Variants in ANK3 observed in about 807,000 individuals in gnomAD.
The protein encoded by ANK3 is ankyrin 3.
Under a neutral mutation model 370.9 loss-of-function variants are expected in ANK3, and 57 were observed. That is an observed-to-expected ratio of 0.15 (90% CI 0.12 to 0.19). The LOEUF is 0.19. Among genes scored for constraint, ANK3 ranks in the 10% least tolerant of loss-of-function variants. The pLI, the probability that ANK3 is intolerant of heterozygous loss-of-function variation, is 1.00. For synonymous variants in ANK3, 1,929 were observed against 1,946.3 expected (o/e 0.99, Z 0.23); for missense variants, 4,439 against 5,302.1 (o/e 0.84, Z 5.06).
intron 1 of ANK3, among the ~76,000 whole-genome samples, chr10:60,703,256 CTG>C (rs1416962799): frequency 1.9e-4 from 29 of 152,232 alleles, no homozygotes; most frequent in South Asian, 8.3e-4. Context: ...TTAGGTATGA[CTG>C]AAGATTTAGG....
At chr10:60,132,258 G>A (rs1198603667) in intron 25 of ANK3, among the ~76,000 whole-genome samples, 1 of 152,124 alleles carries the variant, frequency 6.6e-6, no homozygotes. Flanking sequence ...GCACTGAAAT[G>A]GTTTGGCTGT....
Position 60,139,101 on chromosome 10 carries a change from G to C in ANK3, c.2615-14C>G, listed in dbSNP as rs1439786490. On this transcript the variant is annotated splice_polypyrimidine_tract_variant and intron_variant, in intron 23 of 43. Coordinates refer to ENST00000280772, the MANE Select transcript of ANK3 (RefSeq NM_020987.5). ...TTGCATCTTCACCTGCAGATGTAGA[G>C]AGTAAGCCCACATCAAAAGCTTCCC... 1 of 1,608,768 alleles carries C rather than the reference G, an allele frequency of 6.2e-7. No individual in the cohort carries two copies. Among genetic ancestry groups the C allele is most frequent in the African/African-American group, 1.3e-5 (1 of 74,574 alleles).
intron 25 of ANK3, among the ~76,000 whole-genome samples, chr10:60,122,161 C>A (rs2093518346): frequency 6.6e-6 from 1 of 152,208 alleles, no homozygotes; most frequent in Admixed American, 6.5e-5. Context: ...GAAAAGACAA[C>A]CCAGTTGTGT....
At chr10:60,303,866 T>G (rs572750759) in intron 1 of ANK3, among the ~76,000 whole-genome samples, 23 of 146,638 alleles carry the variant, frequency 1.6e-4, no homozygotes, top group African/African-American at 5.7e-4. Flanking sequence ...GAATAAAATG[T>G]GGTGTATATA....
At chr10:60,241,141 G>T (rs1278967661) in intron 7 of ANK3, among the ~76,000 whole-genome samples, 2 of 152,070 alleles carry the variant, frequency 1.3e-5, no homozygotes, top group East Asian at 3.9e-4. Flanking sequence ...AACTTTGAAG[G>T]AACCTGAGAA....
intron 1 of ANK3, among the ~76,000 whole-genome samples, chr10:60,286,189 G>C (rs2098242619): frequency 6.6e-6 from 1 of 152,140 alleles, no homozygotes; most frequent in Non-Finnish European, 1.5e-5. Flanking sequence ...CCCTTCTTGA[G>C]TGGTTCTCCT....
chr10:60,392,821 C>T (rs113745675), upstream of ANK3, among the ~76,000 whole-genome samples: 1,594 of 151,962 alleles, frequency 0.01, 39 homozygotes, highest in African/African-American at 0.037. Context: ...CCCAGCTACA[C>T]GGGAGGCTGA....
At chr10:60,323,415 T>A (rs919647493) in intron 1 of ANK3, among the ~76,000 whole-genome samples, 3 of 152,124 alleles carry the variant, frequency 2.0e-5, no homozygotes, top group African/African-American at 7.2e-5. Context: ...TATAAATATT[T>A]ACAACTGGAA....
chr10:60,188,867 G>T (rs943736135), intron 16 of ANK3, among the ~76,000 whole-genome samples: 1 of 152,122 alleles, frequency 6.6e-6, no homozygotes, highest in Non-Finnish European at 1.5e-5. Context: ...ACTGATGCCC[G>T]CAGAGCCAAA....
intron 2 of ANK3, among the ~76,000 whole-genome samples, chr10:60,584,920 T>C (rs1017562628): frequency 3.9e-5 from 6 of 152,164 alleles, no homozygotes; most frequent in African/African-American, 7.2e-5. Flanking sequence ...GACTGGTAGA[T>C]GTACTGCCTC....
chr10:60,700,796 A>G (rs1385551665), intron 1 of ANK3, among the ~76,000 whole-genome samples: 1 of 152,200 alleles, frequency 6.6e-6, no homozygotes, highest in East Asian at 1.9e-4. Context: ...TTCAAAATGA[A>G]TCAGAGATTT....
At chr10:60,216,997 G>A (rs938842732) in intron 8 of ANK3, among the ~76,000 whole-genome samples, 1 of 151,942 alleles carries the variant, frequency 6.6e-6, no homozygotes, top group African/African-American at 2.4e-5. Flanking sequence ...ATCTTGTGAG[G>A]GTATACGTGT....
chr10:60,656,307 TATTCCAGTATTTTCCTTC>T lies in ANK3; in HGVS notation c.58-41101_58-41084del, dbSNP rs541800536. ...TGTATTGGCATAAAGTTGTTAATGA[TATTCCAGTATTTTCCTTC>T]TAATGTCTGTAGTATTTGTCTTGTT... On this transcript the variant is annotated intron_variant, in intron 1 of 43. Transcript: ENST00000373827. 2.8e-4 allele frequency among the ~76,000 whole-genome samples: 43 copies of T among 152,334 alleles called. No homozygotes were observed. The South Asian group carries it at 8.5e-3, about 30-fold the overall frequency.
intron 2 of ANK3, among the ~76,000 whole-genome samples, chr10:60,412,765 A>T (rs2063585763): frequency 1.3e-5 from 2 of 151,468 alleles, no homozygotes; most frequent in African/African-American, 4.9e-5. Context: ...GAGAATGTGC[A>T]ACAAACATTT....
intron 2 of ANK3, among the ~76,000 whole-genome samples, chr10:60,441,419 T>G (rs746527744): frequency 6.6e-6 from 1 of 152,196 alleles, no homozygotes; most frequent in Non-Finnish European, 1.5e-5. Flanking sequence ...CCTCTGACTC[T>G]TATTATCAGA....
At chr10:60,403,339 T>C (rs975958334) in intron 2 of ANK3, among the ~76,000 whole-genome samples, 3 of 152,164 alleles carry the variant, frequency 2.0e-5, no homozygotes, top group Non-Finnish European at 4.4e-5. Context: ...CTTCAATTTG[T>C]TTTATGAGGC....
At chr10:60,213,614 G>C (rs2096890241) in intron 8 of ANK3, 104 bp from the exon 9 acceptor site, 2 of 588,518 alleles carry the variant, frequency 3.4e-6, no homozygotes, top group Non-Finnish European at 5.5e-6. Flanking sequence ...CTGTGGTCAA[G>C]CGGGCTTCAA....
intron 1 of ANK3, among the ~76,000 whole-genome samples, chr10:60,385,045 G>T (rs1385375481): frequency 6.6e-6 from 1 of 152,050 alleles, no homozygotes; most frequent in Non-Finnish European, 1.5e-5. Flanking sequence ...TTGAGTGATG[G>T]CTCTACCCCA....
intron 10 of ANK3, among the ~76,000 whole-genome samples, chr10:60,207,205 T>C (rs868823673): frequency 2.6e-5 from 4 of 152,168 alleles, no homozygotes; most frequent in Admixed American, 2.6e-4. Flanking sequence ...CGTCATTCTT[T>C]CCTGTCCACT....
Sources: gnomAD v4.1 joint callset for allele counts (sites outside exome capture counted in the v4.1 genomes callset) on GRCh38, gnomAD v4.1.1 for gene constraint, MANE v1.5 for transcripts, NCBI Gene and HGNC (gene_info 2026-07-23, HGNC 2026-07-21) for gene names.